The following COPG2 variants were observed in gnomAD, a reference collection of about 807,000 sequenced individuals.
The protein encoded by COPG2 is coatomer subunit gamma-2.
A neutral mutation model predicts 46.3 loss-of-function variants in COPG2; 37 were observed. That is an observed-to-expected ratio of 0.80 (90% confidence interval 0.61 to 1.05). The LOEUF (loss-of-function observed/expected upper bound fraction) is 1.05. Among genes scored for constraint, COPG2 ranks in the 50% least tolerant of loss-of-function variants. The pLI is 0.00. For synonymous variants in COPG2, 159 were observed against 129.7 expected (o/e 1.23, Z -1.53); for missense variants, 427 against 387.8 (o/e 1.10, Z -0.85).
At position 130,621,670 on chromosome 7, in the gene COPG2, C is replaced by T. The variant is rs539317725; in HGVS notation, c.324-4605G>A. Among the ~76,000 whole-genome samples the T allele has an allele frequency of 1.3e-4, 20 of 151,988 alleles. No individual in the cohort carries two copies. In the East Asian group the frequency reaches 3.3e-3, roughly 25 times the overall value. ...CTAAAAATATAAAAAACTGGCCAGACGCGGTGGCTCACACCTGTAATCCCA... is the reference window on the plus strand; with the variant it reads ...CTAAAAATATAAAAAACTGGCCAGATGCGGTGGCTCACACCTGTAATCCCA... On this transcript the variant is annotated intron_variant, in intron 5 of 23. Transcript: ENST00000425248.
chr7:130,618,207 A>C (rs1226794184), intron 5 of COPG2, among the ~76,000 whole-genome samples: 1 of 151,684 alleles, frequency 6.6e-6, no homozygotes, highest in Non-Finnish European at 1.5e-5. Context: ...TGTCAGATGC[A>C]AGCTTGGTTT....
Position 130,659,360 on chromosome 7 carries a change from A to AAAAAACAAACAAAC in COPG2, c.243+3606_243+3607insGTTTGTTTGTTTTT, listed in dbSNP as rs1356954377. 2.7e-3 allele frequency among the ~76,000 whole-genome samples: 407 copies of AAAAAACAAACAAAC among 149,996 alleles called. 26 individuals are homozygous for AAAAAACAAACAAAC. The highest frequency in any genetic ancestry group is 8.6e-3 in the African/African-American group (353 of 41,034). ...ACAGAGCAAGACTCCGTCTCAAAAAAAAAAAAAACGAACAAACAAGCATTA... is the reference window on the plus strand; with the variant it reads ...ACAGAGCAAGACTCCGTCTCAAAAAAAAAAACAAACAAACAAAAAAAACGAACAAACAAGCATTA... On this transcript the variant is annotated intron_variant, in intron 4 of 23. Transcript: ENST00000425248.
intron 20 of COPG2, among the ~76,000 whole-genome samples, chr7:130,536,482 AC>A (rs1377265960): frequency 2.6e-5 from 4 of 152,136 alleles, no homozygotes; most frequent in Non-Finnish European, 4.4e-5. Context: ...AGGGAAAAAA[AC>A]AATCTCTAAA....
intron 5 of COPG2, among the ~76,000 whole-genome samples, chr7:130,646,285 C>T (rs1350201133): frequency 2.0e-5 from 3 of 152,200 alleles, no homozygotes; most frequent in East Asian, 3.8e-4. Context: ...CTGCTGAAGA[C>T]GAAGGGCTTC....
intron 20 of COPG2, among the ~76,000 whole-genome samples, chr7:130,529,518 GGAGGCAGAATTCA>G (rs1290300539): frequency 2.0e-5 from 3 of 152,040 alleles, no homozygotes; most frequent in Non-Finnish European, 4.4e-5. Context: ...TGAATAGAGG[GGAGGCAGAATTCA>G]GAGTCCCAAA....
At chr7:130,654,435 A>G (rs781802720) in intron 4 of COPG2, among the ~76,000 whole-genome samples, 1 of 152,200 alleles carries the variant, frequency 6.6e-6, no homozygotes, top group Non-Finnish European at 1.5e-5. Context: ...AGAGTAACTC[A>G]GAAATAGAGC....
chr7:130,668,585 A>C (rs373843603), intron 1 of COPG2, 47 bp downstream of exon 1: 103 of 1,473,368 alleles, frequency 7.0e-5, no homozygotes, highest in Non-Finnish European at 8.6e-5. Context: ...GGGCGGGGGA[A>C]GGGGCGTCCC....
At chr7:130,531,603 C>T (rs1284437920) in intron 20 of COPG2, among the ~76,000 whole-genome samples, 1 of 152,064 alleles carries the variant, frequency 6.6e-6, no homozygotes, top group African/African-American at 2.4e-5. Flanking sequence ...GAGTGGGATT[C>T]CACCTATGTT....
chr7:130,663,725 CTTTTCT>C (rs1369368089), intron 3 of COPG2, among the ~76,000 whole-genome samples: 1 of 103,344 alleles, frequency 9.7e-6, no homozygotes, highest in Non-Finnish European at 2.0e-5. Flanking sequence ...TTTTGCATTT[CTTTTCT>C]TTTTTTTTTT....
At chr7:130,520,070 C>G (rs1299053736) in intron 20 of COPG2, among the ~76,000 whole-genome samples, 1 of 152,106 alleles carries the variant, frequency 6.6e-6, no homozygotes, top group Non-Finnish European at 1.5e-5. Flanking sequence ...CTTTGTAGAA[C>G]AAATGAATGC....
intron 3 of COPG2, among the ~76,000 whole-genome samples, chr7:130,664,297 T>A (rs564414809): frequency 6.6e-6 from 1 of 152,292 alleles, no homozygotes; most frequent in South Asian, 2.1e-4. Context: ...AAGAATAAAT[T>A]TTGGTGAAAA....
intron 9 of COPG2, among the ~76,000 whole-genome samples, chr7:130,567,289 G>A (rs1584975659): frequency 6.6e-6 from 1 of 152,126 alleles, no homozygotes; most frequent in South Asian, 2.1e-4. Flanking sequence ...TACCAACTGG[G>A]TGGTACCAAG....
At position 130,607,387 on chromosome 7, in the gene COPG2, G is replaced by T. The variant is rs565880730; in HGVS notation, c.737+3566C>A. On this transcript the variant is annotated intron_variant, in intron 9 of 23. Coordinates refer to ENST00000425248, the MANE Select transcript of COPG2 (RefSeq NM_012133.6). ...TTTCTATTGATTGCTTTTTCTCTTG[G>T]CTACTAGTCACATTTTCCAAATTCT... The T allele has an allele frequency of 4.6e-5, 19 of 413,130 alleles. No individual in the cohort carries two copies. The East Asian group carries it at 1.2e-3, about 26-fold the overall frequency. The allele number at this position is 413,130 out of a possible 1,614,324, so 25.6% of individuals were successfully genotyped here.
chr7:130,607,496 C>T, intron 9 of COPG2: 1 of 435,830 alleles, frequency 2.3e-6, no homozygotes, highest in South Asian at 1.7e-5. Context: ...GTTTCTTTAG[C>T]AAGAAGCTTG....
chr7:130,610,536 T>C (rs782565782), intron 9 of COPG2: 2 of 520,592 alleles, frequency 3.8e-6, no homozygotes, highest in South Asian at 2.8e-5. Flanking sequence ...GAAAGACTGC[T>C]AAAGTATATT....
intron 14 of COPG2, among the ~76,000 whole-genome samples, chr7:130,553,897 A>G (rs952543166): frequency 1.3e-5 from 2 of 152,222 alleles, no homozygotes; most frequent in Non-Finnish European, 2.9e-5. Flanking sequence ...TAAGAACATT[A>G]AAGTATCTAA....
At chr7:130,524,564 TG>T (rs1799756385) in intron 20 of COPG2, among the ~76,000 whole-genome samples, 1 of 152,050 alleles carries the variant, frequency 6.6e-6, no homozygotes, top group African/African-American at 2.4e-5. Context: ...GAGAGCCTGT[TG>T]AGAGCAGGAG....
intron 9 of COPG2, among the ~76,000 whole-genome samples, chr7:130,591,525 T>C (rs868952695): frequency 2.6e-3 from 147 of 57,300 alleles, no homozygotes; most frequent in African/African-American, 3.1e-3. Flanking sequence ...AGGTGAGGGG[T>C]GCCTCTGCCC....
chr7:130,537,312 T>C (rs1289292932), intron 20 of COPG2, among the ~76,000 whole-genome samples: 3 of 149,658 alleles, frequency 2.0e-5, no homozygotes, highest in African/African-American at 7.4e-5. Context: ...GGACGTGAGC[T>C]TGGACAGCAG....
Sources: gnomAD v4.1 joint callset for allele counts (sites outside exome capture counted in the v4.1 genomes callset) on GRCh38, gnomAD v4.1.1 for gene constraint, MANE v1.5 for transcripts, NCBI Gene and HGNC (gene_info 2026-07-23, HGNC 2026-07-21) for gene names.